Variants in DPYD observed in about 807,000 individuals in gnomAD.
DPYD encodes dihydropyrimidine dehydrogenase, also known as dihydropyrimidine dehydrogenase [NADP(+)].
Under a neutral mutation model 116.2 loss-of-function variants are expected in DPYD, and 109 were observed. The observed-to-expected ratio is 0.94, with a 90% CI of 0.80 to 1.10. The LOEUF (loss-of-function observed/expected upper bound fraction) is 1.10. Among genes scored for constraint, DPYD ranks in the 50% least tolerant of loss-of-function variants. The probability of loss-of-function intolerance (pLI) is 0.00; values close to 1 mark genes in which losing one functional copy is unlikely to be tolerated. For missense variants in DPYD, 1,302 were observed against 1,254.5 expected, an observed-to-expected ratio of 1.04 and a Z score of -0.57; for synonymous variants, 440 against 432.0, an observed-to-expected ratio of 1.02 and a Z score of -0.23.
rs1415023048 is a variant in DPYD, at chr1:97,726,407, A to G, written c.322-4736T>C. Among the ~76,000 whole-genome samples the G allele has an allele frequency of 1.3e-4, 19 of 151,742 alleles. No homozygotes were observed. The East Asian group carries it at 3.3e-3, about 26-fold the overall frequency. The stretch of plus-strand genomic sequence containing the variant: ...AATGAGCAATTACTAACTCAGAATT[A>G]ATCAGTCTATTCCTAAGCAAACATA... On this transcript the variant is annotated intron_variant, in intron 4 of 22. Coordinates refer to ENST00000370192, the MANE Select transcript of DPYD (RefSeq NM_000110.4).
At chr1:97,149,450 A>G (rs1201925928) in intron 20 of DPYD, among the ~76,000 whole-genome samples, 2 of 152,050 alleles carry the variant, frequency 1.3e-5, no homozygotes, top group Non-Finnish European at 2.9e-5. Context: ...ACAGGGTTTC[A>G]CCATGTTGGC....
chr1:97,552,491 G>A (rs1651398473), intron 11 of DPYD, among the ~76,000 whole-genome samples: 1 of 151,918 alleles, frequency 6.6e-6, no homozygotes, highest in African/African-American at 2.4e-5. Context: ...GCCACCCTAG[G>A]GGCATTTATT....
chr1:97,785,724 G>A (rs1393689652), intron 3 of DPYD, among the ~76,000 whole-genome samples: 8 of 115,620 alleles, frequency 6.9e-5, no homozygotes, highest in Non-Finnish European at 1.3e-4. Context: ...ACGGAGTCTC[G>A]CTCTGTCACC....
intron 14 of DPYD, among the ~76,000 whole-genome samples, chr1:97,401,694 C>G (rs976978276): frequency 6.6e-6 from 1 of 152,116 alleles, no homozygotes; most frequent in Non-Finnish European, 1.5e-5. Flanking sequence ...TTTAAAAACA[C>G]ATGTGTCATC....
intron 14 of DPYD, among the ~76,000 whole-genome samples, chr1:97,406,586 T>C (rs1227016832): frequency 1.4e-5 from 2 of 142,112 alleles, no homozygotes; most frequent in African/African-American, 5.3e-5. Context: ...CAGTGTGTGA[T>C]GTTCCCCTCC....
intron 8 of DPYD, among the ~76,000 whole-genome samples, chr1:97,643,689 G>T (rs1363715008): frequency 6.6e-6 from 1 of 152,052 alleles, no homozygotes; most frequent in Non-Finnish European, 1.5e-5. Flanking sequence ...AACCCAAATG[G>T]CCATCAATGA....
intron 18 of DPYD, among the ~76,000 whole-genome samples, chr1:97,260,730 CTG>C (rs1663819078): frequency 6.6e-6 from 1 of 152,062 alleles, no homozygotes; most frequent in African/African-American, 2.4e-5. Flanking sequence ...AAACTTCACT[CTG>C]TGTCAAATAA....
At chr1:97,752,288 C>CTT (rs1360646035) in intron 3 of DPYD, among the ~76,000 whole-genome samples, 1 of 128,710 alleles carries the variant, frequency 7.8e-6, no homozygotes, top group Non-Finnish European at 1.6e-5. Context: ...AGTAAACCTA[C>CTT]TTCACACACA....
At chr1:97,550,831 C>CA (rs1218253154) in intron 11 of DPYD, among the ~76,000 whole-genome samples, 17 of 151,912 alleles carry the variant, frequency 1.1e-4, no homozygotes, top group Admixed American at 2.6e-4. Flanking sequence ...TAGCCAAATA[C>CA]AAAAAATGTT....
chr1:97,775,271 G>A (rs1333722), intron 3 of DPYD, among the ~76,000 whole-genome samples: 149,190 of 152,272 alleles, frequency 0.98, 73,160 homozygotes, highest in Middle Eastern at 1. Flanking sequence ...TTGCCTCTAC[G>A]TGAAACTGTT....
chr1:97,791,341 A>G (rs1034281254), intron 3 of DPYD, among the ~76,000 whole-genome samples: 2 of 152,198 alleles, frequency 1.3e-5, no homozygotes, highest in Admixed American at 1.3e-4. Context: ...TAGACTCACA[A>G]TATGATTCAG....
At chr1:97,410,855 G>A (rs1357751139) in intron 14 of DPYD, among the ~76,000 whole-genome samples, 1 of 152,146 alleles carries the variant, frequency 6.6e-6, no homozygotes, top group Non-Finnish European at 1.5e-5. Context: ...GAGCAGAATT[G>A]ATATTAAAAA....
chr1:97,395,534 T>C (rs1309477794), intron 14 of DPYD, among the ~76,000 whole-genome samples: 3 of 152,044 alleles, frequency 2.0e-5, no homozygotes, highest in Non-Finnish European at 4.4e-5. Context: ...ATCAAGACTA[T>C]ACCATATTGA....
intron 16 of DPYD, among the ~76,000 whole-genome samples, chr1:97,316,954 C>T (rs1026718577): frequency 1.3e-5 from 2 of 151,596 alleles, no homozygotes; most frequent in African/African-American, 4.8e-5. Context: ...TTTTGTAAAA[C>T]CAAGATTGAC....
intron 16 of DPYD, among the ~76,000 whole-genome samples, chr1:97,333,517 ATTTTTT>A (rs778577478): frequency 0.015 from 1,414 of 97,034 alleles, 39 homozygotes; most frequent in African/African-American, 0.057. Context: ...AAGTCTTAGG[ATTTTTT>A]TTTTTTTTTT....
At chr1:97,142,296 T>C (rs1000129622) in intron 20 of DPYD, among the ~76,000 whole-genome samples, 2 of 152,184 alleles carry the variant, frequency 1.3e-5, no homozygotes, top group Non-Finnish European at 2.9e-5. Flanking sequence ...GCATTTCTGC[T>C]TTTAAATGTG....
At chr1:97,481,355 G>C (rs929031004) in intron 13 of DPYD, among the ~76,000 whole-genome samples, 5 of 152,086 alleles carry the variant, frequency 3.3e-5, no homozygotes, top group African/African-American at 4.8e-5. Flanking sequence ...TTTAGTGTGT[G>C]AACTGTTGTT....
intron 3 of DPYD, among the ~76,000 whole-genome samples, chr1:97,753,673 C>A (rs1557935165): frequency 6.6e-6 from 1 of 152,004 alleles, no homozygotes; most frequent in Non-Finnish European, 1.5e-5. Flanking sequence ...ACTTGCAGAT[C>A]ATGTAATTAT....
chr1:97,520,019 C>T (rs190828951), intron 12 of DPYD, among the ~76,000 whole-genome samples: 1 of 152,182 alleles, frequency 6.6e-6, no homozygotes, highest in East Asian at 1.9e-4. Flanking sequence ...GCATTAACTT[C>T]CCCATATTTT....
Sources: gnomAD v4.1 joint callset for allele counts (sites outside exome capture counted in the v4.1 genomes callset) on GRCh38, gnomAD v4.1.1 for gene constraint, MANE v1.5 for transcripts, NCBI Gene and HGNC (gene_info 2026-07-23, HGNC 2026-07-21) for gene names.